RALYL: variants seen among roughly 807,000 people sequenced by gnomAD.
RALYL encodes the protein RALY RNA binding protein like, also known as RNA-binding Raly-like protein.
In RALYL, 29 loss-of-function variants were observed where a neutral mutation model predicts 35.1. The observed-to-expected ratio is 0.83, with a 90% CI of 0.61 to 1.13. The LOEUF (loss-of-function observed/expected upper bound fraction) is 1.13, where lower values mean the gene tolerates loss of function less well. Among genes scored for constraint, RALYL ranks in the 50% most tolerant of loss-of-function variants. RALYL has a pLI of 0.00. For synonymous variants in RALYL, 120 were observed against 127.6 expected, an observed-to-expected ratio of 0.94 and a Z score of 0.40; for missense variants, 359 against 360.4, an observed-to-expected ratio of 1.00 and a Z score of 0.03.
chr8:84,887,510 G>T, intron 7 of RALYL, 94 bp from the exon 8 acceptor site: 1 of 1,078,652 alleles, frequency 9.3e-7, no homozygotes, highest in Admixed American at 2.5e-5. Context: ...ATAGCATATA[G>T]CGTTTACCCT....
At chr8:84,600,142 GTTA>G (rs1254109559) in intron 2 of RALYL, among the ~76,000 whole-genome samples, 1 of 151,928 alleles carries the variant, frequency 6.6e-6, no homozygotes, top group African/African-American at 2.4e-5. Context: ...GGAATTTGCT[GTTA>G]TTATTTTTGC....
chr8:84,227,982 C>T (rs1208187676), intron 1 of RALYL, among the ~76,000 whole-genome samples: 4 of 151,956 alleles, frequency 2.6e-5, no homozygotes, highest in Admixed American at 6.6e-5. Context: ...ACTGACATGG[C>T]ACATACAGAA....
chr8:84,666,547 A>T (rs1256557166), intron 2 of RALYL, among the ~76,000 whole-genome samples: 1 of 152,082 alleles, frequency 6.6e-6, no homozygotes, highest in Non-Finnish European at 1.5e-5. Context: ...GTGCCAACTG[A>T]GGAGTTACAA....
At chr8:84,727,361 G>A (rs1349561239) in intron 2 of RALYL, among the ~76,000 whole-genome samples, 1 of 151,984 alleles carries the variant, frequency 6.6e-6, no homozygotes, top group African/African-American at 2.4e-5. Context: ...GGTATGCAAC[G>A]ATTTCCCCCA....
At chr8:84,423,343 T>C (rs2045917771) in intron 1 of RALYL, among the ~76,000 whole-genome samples, 1 of 149,302 alleles carries the variant, frequency 6.7e-6, no homozygotes, top group Non-Finnish European at 1.5e-5. Flanking sequence ...TGGTTTAAAG[T>C]CTGTTTTATC....
intron 1 of RALYL, among the ~76,000 whole-genome samples, chr8:84,230,905 T>G (rs1320576294): frequency 6.6e-6 from 1 of 152,216 alleles, no homozygotes; most frequent in Non-Finnish European, 1.5e-5. Flanking sequence ...CTCTCTGATT[T>G]CAAAGCCCAT....
intron 2 of RALYL, among the ~76,000 whole-genome samples, chr8:84,681,536 T>G (rs1482055222): frequency 6.6e-6 from 1 of 152,192 alleles, no homozygotes; most frequent in Non-Finnish European, 1.5e-5. Flanking sequence ...TGGTTTGTAG[T>G]TCTCCTCGAA....
At chr8:84,762,964 TAAAAC>T (rs1813048250) in intron 2 of RALYL, among the ~76,000 whole-genome samples, 1 of 152,134 alleles carries the variant, frequency 6.6e-6, no homozygotes, top group Non-Finnish European at 1.5e-5. Context: ...CAAAACATCT[TAAAAC>T]AATAAAATAT....
At chr8:84,755,601 T>C (rs2133283207) in intron 2 of RALYL, among the ~76,000 whole-genome samples, 1 of 152,298 alleles carries the variant, frequency 6.6e-6, no homozygotes, top group Non-Finnish European at 1.5e-5. Flanking sequence ...AACATGATCA[T>C]ATTAGTATGC....
At chr8:84,290,949 ATAC>A (rs1347600221) in intron 1 of RALYL, among the ~76,000 whole-genome samples, 1 of 140,348 alleles carries the variant, frequency 7.1e-6, no homozygotes, top group Non-Finnish European at 1.5e-5. Context: ...TCTTTCTATA[ATAC>A]TTTTGATATC....
intron 7 of RALYL, among the ~76,000 whole-genome samples, chr8:84,886,918 G>C (rs1842989321): frequency 6.6e-6 from 1 of 152,152 alleles, no homozygotes; most frequent in South Asian, 2.1e-4. Flanking sequence ...GAGACACATG[G>C]AGGGTTAATC....
intron 2 of RALYL, among the ~76,000 whole-genome samples, chr8:84,661,941 TG>T (rs1378458785): frequency 6.7e-6 from 1 of 149,890 alleles, no homozygotes; most frequent in African/African-American, 2.5e-5. Context: ...TTTTTGTTAC[TG>T]TTTTTTTTTT....
intron 1 of RALYL, among the ~76,000 whole-genome samples, chr8:84,354,984 C>A (rs1419309222): frequency 6.7e-6 from 1 of 150,068 alleles, no homozygotes; most frequent in Non-Finnish European, 1.5e-5. Flanking sequence ...CTATCTCATG[C>A]GCATCACAAA....
intron 1 of RALYL, among the ~76,000 whole-genome samples, chr8:84,497,642 G>GTTTTTTTTTTTTTT (rs71271999): frequency 8.5e-5 from 10 of 117,238 alleles, no homozygotes; most frequent in African/African-American, 9.8e-5. Context: ...TTTTGTTTTT[G>GTTTTTTTTTTTTTT]TTTTTTTTTT....
intron 2 of RALYL, among the ~76,000 whole-genome samples, chr8:84,697,449 C>G (rs1215265343): frequency 6.6e-6 from 1 of 151,998 alleles, no homozygotes; most frequent in African/African-American, 2.4e-5. Flanking sequence ...TTCTAACCTA[C>G]TTGATTATTT....
chr8:84,699,185 G>T (rs1046164649), intron 2 of RALYL, among the ~76,000 whole-genome samples: 1 of 152,046 alleles, frequency 6.6e-6, no homozygotes, highest in East Asian at 1.9e-4. Flanking sequence ...ATGACTTCAA[G>T]GATGTTTTAA....
At chr8:84,433,418 T>A (rs892642213) in intron 1 of RALYL, among the ~76,000 whole-genome samples, 12 of 152,164 alleles carry the variant, frequency 7.9e-5, no homozygotes, top group African/African-American at 2.9e-4. Flanking sequence ...TTTTGTAACA[T>A]AGCACCTAAA....
At chr8:84,382,392 A>C (rs1858206077) in intron 1 of RALYL, among the ~76,000 whole-genome samples, 1 of 151,756 alleles carries the variant, frequency 6.6e-6, no homozygotes, top group Non-Finnish European at 1.5e-5. Flanking sequence ...ATACATACTG[A>C]TGCATAAAGA....
chr8:84,476,762 G>T (rs2053470785), intron 1 of RALYL, among the ~76,000 whole-genome samples: 1 of 152,274 alleles, frequency 6.6e-6, no homozygotes, highest in Non-Finnish European at 1.5e-5. Flanking sequence ...GGGAAATGTT[G>T]GTCCTATGCA....
Sources: gnomAD v4.1 joint callset for allele counts (sites outside exome capture counted in the v4.1 genomes callset) on GRCh38, gnomAD v4.1.1 for gene constraint, MANE v1.5 for transcripts, NCBI Gene and HGNC (gene_info 2026-07-23, HGNC 2026-07-21) for gene names.